The following HOOK3 variants were observed in gnomAD, a reference collection of about 807,000 sequenced individuals.
The protein encoded by HOOK3 is protein Hook homolog 3.
A neutral mutation model predicts 116.3 loss-of-function variants in HOOK3; 24 were observed. That is an observed-to-expected ratio of 0.21 (90% CI 0.15 to 0.29). The LOEUF is 0.29. Ranked by LOEUF, HOOK3 falls within the 10% of genes least tolerant of loss-of-function variation. The pLI, the probability that HOOK3 is intolerant of heterozygous loss-of-function variation, is 1.00. For missense variants in HOOK3, 632 were observed against 830.2 expected, an observed-to-expected ratio of 0.76 and a Z score of 2.93; for synonymous variants, 275 against 283.0, an observed-to-expected ratio of 0.97 and a Z score of 0.28.
Position 43,018,740 on chromosome 8 carries a change from A to G in HOOK3, c.*242A>G, listed in dbSNP as rs1032777733. The stretch of plus-strand genomic sequence containing the variant: ...AAAATTTGTACATGTTCAATTAAAA[A>G]TGTTGTATAATAGTGTAATACTTTT... On this transcript the variant is annotated 3_prime_UTR_variant, in exon 22 of 22. Coordinates refer to ENST00000307602, the MANE Select transcript of HOOK3 (RefSeq NM_032410.4). 5.0e-6 allele frequency: 2 copies of G among 398,016 alleles called. No individual in the cohort carries two copies. Among genetic ancestry groups the G allele is most frequent in the Non-Finnish European group, 8.9e-6 (2 of 223,550 alleles). The allele number at this position is 398,016 out of a possible 1,614,324, so 24.7% of individuals were successfully genotyped here.
chr8:42,993,722 C>G, intron 15 of HOOK3, among the ~76,000 whole-genome samples: 1 of 152,116 alleles, frequency 6.6e-6, no homozygotes, highest in East Asian at 1.9e-4. Context: ...CTTCATGATT[C>G]AATCTTGGTA....
intron 8 of HOOK3, among the ~76,000 whole-genome samples, chr8:42,960,536 T>C (rs768526399): frequency 1.3e-5 from 2 of 152,192 alleles, no homozygotes; most frequent in Non-Finnish European, 2.9e-5. Flanking sequence ...AAAGTTAAGA[T>C]GCCAATGATA....
intron 17 of HOOK3, among the ~76,000 whole-genome samples, chr8:43,002,687 T>C (rs1210646601): frequency 6.6e-6 from 1 of 152,150 alleles, no homozygotes; most frequent in African/African-American, 2.4e-5. Context: ...CAAGGTCTTT[T>C]AAAAAAGAGA....
chr8:42,911,844 G>C (rs778609486), intron 2 of HOOK3, among the ~76,000 whole-genome samples: 9 of 152,216 alleles, frequency 5.9e-5, no homozygotes, highest in Non-Finnish European at 1.3e-4. Context: ...GTGGAAGGAA[G>C]CTGGATGTGT....
chr8:43,015,280 T>C (rs1045816997), intron 21 of HOOK3, among the ~76,000 whole-genome samples: 13 of 152,108 alleles, frequency 8.5e-5, no homozygotes, highest in African/African-American at 2.9e-4. Context: ...CCCAGCACTT[T>C]GGGAGGCCAA....
intron 4 of HOOK3, among the ~76,000 whole-genome samples, chr8:42,936,204 G>T (rs1451174339): frequency 6.6e-6 from 1 of 152,178 alleles, no homozygotes; most frequent in Non-Finnish European, 1.5e-5. Context: ...TGTTATTGGT[G>T]TATAGGAATG....
intron 4 of HOOK3, among the ~76,000 whole-genome samples, chr8:42,931,017 G>A (rs926709810): frequency 6.6e-6 from 1 of 152,148 alleles, no homozygotes; most frequent in Non-Finnish European, 1.5e-5. Context: ...AAAGTCCTCT[G>A]TGGTTTCCCC....
intron 4 of HOOK3, among the ~76,000 whole-genome samples, chr8:42,932,845 C>T (rs936887318): frequency 9.2e-5 from 14 of 152,160 alleles, no homozygotes; most frequent in Non-Finnish European, 1.8e-4. Flanking sequence ...TTCAGTGAGC[C>T]CATACCTATA....
At chr8:42,925,224 A>G (rs1332205599) in intron 2 of HOOK3, among the ~76,000 whole-genome samples, 1 of 151,862 alleles carries the variant, frequency 6.6e-6, no homozygotes, top group African/African-American at 2.4e-5. Flanking sequence ...CAGCCTCCTC[A>G]GTAGCTGGGA....
At chr8:42,897,672 C>T (rs1807050421) in intron 1 of HOOK3, among the ~76,000 whole-genome samples, 1 of 152,192 alleles carries the variant, frequency 6.6e-6, no homozygotes, top group Non-Finnish European at 1.5e-5. Flanking sequence ...GAGGGGCGGA[C>T]GCCTGTCAGA....
chr8:42,990,844 C>G (rs1225760529), intron 15 of HOOK3, among the ~76,000 whole-genome samples: 2 of 152,072 alleles, frequency 1.3e-5, no homozygotes, highest in Non-Finnish European at 2.9e-5. Context: ...CCATTTGCTC[C>G]TTTTTCCTTT....
In HOOK3 at chr8:43,010,449, C is replaced by T. The variant is rs369766452; in HGVS notation, c.1839+44C>T. The T allele has an allele frequency of 1.7e-5, 11 of 653,570 alleles. No homozygotes were observed. The African/African-American group carries it at 2.1e-4, about 13-fold the overall frequency. The allele number at this position is 653,570 out of a possible 1,614,324, so 40.5% of individuals were successfully genotyped here. A position where few individuals can be genotyped will look rare whatever the true frequency, so the allele number is the denominator to read the frequency against. ...GGCATCTCACTCTACCTTCTGATCA[C>T]ATTTCAGTGAAGTCTCAAATATAAT... On this transcript the variant is annotated intron_variant, in intron 19 of 21. Transcript: ENST00000307602.
At chr8:43,005,316 G>A (rs769295473) in intron 17 of HOOK3, among the ~76,000 whole-genome samples, 1 of 149,484 alleles carries the variant, frequency 6.7e-6, no homozygotes, top group Non-Finnish European at 1.5e-5. Context: ...CGCTTCCCGG[G>A]TTCACGACAT....
intron 6 of HOOK3, among the ~76,000 whole-genome samples, chr8:42,954,989 C>T (rs1808408336): frequency 6.6e-6 from 1 of 152,176 alleles, no homozygotes; most frequent in Admixed American, 6.5e-5. Flanking sequence ...GGAATAATCT[C>T]TGATGAAAAT....
intron 10 of HOOK3, 104 bp downstream of exon 10, chr8:42,966,717 G>C: frequency 8.0e-7 from 1 of 1,255,480 alleles, no homozygotes; most frequent in South Asian, 1.4e-5. Flanking sequence ...ACCTGGGCTG[G>C]GATCCCGGGT....
At chr8:43,009,055 G>A (rs1391486812) in intron 18 of HOOK3, among the ~76,000 whole-genome samples, 2 of 152,032 alleles carry the variant, frequency 1.3e-5, no homozygotes, top group Non-Finnish European at 2.9e-5. Flanking sequence ...AGGATTGCTT[G>A]AGCCCAGGAG....
At chr8:42,990,187 G>A (rs1043787206) in intron 15 of HOOK3, among the ~76,000 whole-genome samples, 1 of 151,466 alleles carries the variant, frequency 6.6e-6, no homozygotes, top group Non-Finnish European at 1.5e-5. Flanking sequence ...GGAGAGACAG[G>A]GTCTCCCTAT....
chr8:42,925,913 C>G (rs905660769), intron 3 of HOOK3, among the ~76,000 whole-genome samples: 1 of 152,156 alleles, frequency 6.6e-6, no homozygotes, highest in Non-Finnish European at 1.5e-5. Flanking sequence ...CTTCCTTTGC[C>G]TTGGTTTCCC....
intron 7 of HOOK3, among the ~76,000 whole-genome samples, chr8:42,957,367 T>G (rs1019686519): frequency 2.6e-5 from 4 of 152,220 alleles, no homozygotes; most frequent in African/African-American, 9.6e-5. Context: ...CATTTGCAAT[T>G]AAAATGCTGT....
Sources: allele counts gnomAD v4.1 joint callset (sites outside exome capture counted in the v4.1 genomes callset), GRCh38; gene constraint gnomAD v4.1.1; transcripts MANE v1.5; gene names NCBI Gene and HGNC (gene_info 2026-07-23, HGNC 2026-07-21).